Variants in SERGEF observed in about 807,000 individuals in gnomAD.
SERGEF encodes secretion-regulating guanine nucleotide exchange factor.
In SERGEF, 51 loss-of-function variants were observed where a neutral mutation model predicts 50.0. The observed-to-expected ratio is 1.02, with a 90% CI of 0.81 to 1.29. The LOEUF (loss-of-function observed/expected upper bound fraction) is 1.29, where lower values mean the gene tolerates loss of function less well. Ranked by LOEUF, SERGEF falls within the 50% of genes most tolerant of loss-of-function variation. The pLI, the probability that SERGEF is intolerant of heterozygous loss-of-function variation, is 0.00. For missense variants in SERGEF, 521 were observed against 557.0 expected (o/e 0.94, Z 0.65); for synonymous variants, 205 against 212.4 (o/e 0.97, Z 0.30).
intron 10 of SERGEF, among the ~76,000 whole-genome samples, chr11:17,861,885 A>G (rs1275286346): frequency 2.0e-5 from 3 of 152,234 alleles, no homozygotes; most frequent in Admixed American, 6.5e-5. Context: ...CCAAATTAAT[A>G]TCTTACAAAG....
At chr11:18,010,023 A>C in intron 1 of SERGEF, 1 of 808,012 alleles carries the variant, frequency 1.2e-6, no homozygotes, top group East Asian at 6.3e-5. Flanking sequence ...GGACCTGCAG[A>C]GAGAATCTTA....
In SERGEF at chr11:17,995,832, A is replaced by G. The variant is rs1457979820; in HGVS notation, c.586T>C (p.Leu196=). The G allele has an allele frequency of 4.3e-6, 7 of 1,614,034 alleles. No individual in the cohort carries two copies. The highest frequency in any genetic ancestry group is 5.9e-6 in the Non-Finnish European group (7 of 1,179,920). The part of the protein sequence containing the change: ...RRLCPGQTLP[L]FFTAKEPSRV... ...CTTGGTTCCTTTGCTGTGAAAAACA[A>G]TGGAAGAGTCTGCCCAGGGCACAAC... The change falls in exon 6 of 11, where the codon TTG becomes CTG. Residue 196 remains leucine, a synonymous_variant. Transcript: ENST00000265965.
intron 10 of SERGEF, among the ~76,000 whole-genome samples, chr11:17,792,953 G>A (rs1849509017): frequency 6.6e-6 from 1 of 152,204 alleles, no homozygotes. Flanking sequence ...GAGGCTACAA[G>A]TCAAATTTGG....
intron 9 of SERGEF, among the ~76,000 whole-genome samples, chr11:17,901,923 A>G (rs1473439018): frequency 6.6e-6 from 1 of 152,212 alleles, no homozygotes; most frequent in African/African-American, 2.4e-5. Context: ...TTCAGTTTCC[A>G]TATCTGTAAC....
chr11:18,000,432 G>C (rs1443418301), intron 5 of SERGEF, 65 bp downstream of exon 5: 22 of 1,117,976 alleles, frequency 2.0e-5, no homozygotes, highest in Admixed American at 2.6e-5. Flanking sequence ...CTGGGCAACA[G>C]AGTGAGACCC....
rs535406629 is a variant in SERGEF at position 17,805,616 on chromosome 11, A to G, written c.1049-17203T>C. On this transcript the variant is annotated intron_variant, in intron 10 of 10. Transcript: ENST00000265965. ...AAGTGACAGGGTCATGACCAAAATCAAGGTATTTCAACTCCAAGCCTAGTA... is the reference window on the plus strand; with the variant it reads ...AAGTGACAGGGTCATGACCAAAATCGAGGTATTTCAACTCCAAGCCTAGTA... Among the ~76,000 whole-genome samples the G allele has an allele frequency of 2.6e-5, 4 of 152,310 alleles. No individual in the cohort carries two copies. The South Asian group carries it at 6.2e-4, about 24-fold the overall frequency.
chr11:18,009,954 T>C (rs541583529), intron 1 of SERGEF: 7 of 359,242 alleles, frequency 1.9e-5, no homozygotes, highest in Admixed American at 1.5e-4. Flanking sequence ...TGGCCTTATG[T>C]CCAGTAAGTT....
intron 8 of SERGEF, among the ~76,000 whole-genome samples, chr11:17,963,811 TG>T (rs1461584900): frequency 1.5e-4 from 23 of 152,356 alleles, no homozygotes; most frequent in Admixed American, 1.5e-3. Flanking sequence ...TGCTTATTCT[TG>T]CAACAACCCT....
At chr11:17,865,095 A>G (rs956604302) in intron 10 of SERGEF, among the ~76,000 whole-genome samples, 2 of 152,244 alleles carry the variant, frequency 1.3e-5, no homozygotes, top group Non-Finnish European at 2.9e-5. Flanking sequence ...GTTTCGGTCA[A>G]CAACTGGACC....
chr11:17,851,243 C>T (rs144729455), intron 10 of SERGEF, among the ~76,000 whole-genome samples: 30 of 152,228 alleles, frequency 2.0e-4, no homozygotes, highest in African/African-American at 5.1e-4. Flanking sequence ...GAAACCTATG[C>T]TCAGAGGAGT....
At chr11:17,960,758 T>C (rs910888178) in intron 8 of SERGEF, among the ~76,000 whole-genome samples, 1 of 152,194 alleles carries the variant, frequency 6.6e-6, no homozygotes, top group Non-Finnish European at 1.5e-5. Flanking sequence ...GAAACAGTTC[T>C]CAGCATCAGC....
chr11:17,989,842 T>A (rs1292445566), intron 7 of SERGEF, among the ~76,000 whole-genome samples: 2 of 152,244 alleles, frequency 1.3e-5, no homozygotes, highest in Non-Finnish European at 1.5e-5. Context: ...TGGCTCCTTA[T>A]AATTTGATAT....
At chr11:18,005,660 G>A (rs748885107) in intron 3 of SERGEF, among the ~76,000 whole-genome samples, 1 of 152,134 alleles carries the variant, frequency 6.6e-6, no homozygotes, top group Non-Finnish European at 1.5e-5. Context: ...AATCCAGAAT[G>A]GCCAGCTAGA....
intron 9 of SERGEF, chr11:17,926,907 G>C (rs1852262994): frequency 2.2e-6 from 1 of 454,464 alleles, no homozygotes; most frequent in Admixed American, 2.4e-5. Context: ...CACTGGTCTA[G>C]ATCACTGCAG....
At chr11:17,911,384 T>C (rs1407376898) in intron 9 of SERGEF, among the ~76,000 whole-genome samples, 1 of 147,728 alleles carries the variant, frequency 6.8e-6, no homozygotes, top group Non-Finnish European at 1.5e-5. Flanking sequence ...ATATAAAATA[T>C]ATATACACAC....
At chr11:17,927,198 G>A (rs1852267904) in intron 9 of SERGEF, among the ~76,000 whole-genome samples, 1 of 152,166 alleles carries the variant, frequency 6.6e-6, no homozygotes, top group African/African-American at 2.4e-5. Context: ...CCACACTAGA[G>A]ACTCATTTGG....
At chr11:17,834,258 C>A (rs1299053400) in intron 10 of SERGEF, among the ~76,000 whole-genome samples, 2 of 152,120 alleles carry the variant, frequency 1.3e-5, no homozygotes, top group Admixed American at 1.3e-4. Context: ...CATTTTTTTG[C>A]CTGTCTACCA....
intron 9 of SERGEF, among the ~76,000 whole-genome samples, chr11:17,904,999 A>T (rs1439476461): frequency 6.6e-6 from 1 of 152,232 alleles, no homozygotes; most frequent in Non-Finnish European, 1.5e-5. Flanking sequence ...CTTCCAAAAC[A>T]TGTTGGTCTT....
chr11:17,895,184 C>A (rs1851597415), intron 9 of SERGEF, among the ~76,000 whole-genome samples: 1 of 152,164 alleles, frequency 6.6e-6, no homozygotes, highest in African/African-American at 2.4e-5. Context: ...CTCTGGTACC[C>A]CAGAGCCCCT....
Sources: allele counts gnomAD v4.1 joint callset (sites outside exome capture counted in the v4.1 genomes callset), GRCh38; gene constraint gnomAD v4.1.1; transcripts MANE v1.5; gene names NCBI Gene and HGNC (gene_info 2026-07-23, HGNC 2026-07-21).